Variants in CADM2 observed in about 807,000 individuals in gnomAD.
CADM2 encodes cell adhesion molecule 2.
CADM2 carries 12 observed loss-of-function variants against 49.8 expected under a neutral mutation model. The observed-to-expected ratio is 0.24, with a 90% CI of 0.15 to 0.39. The LOEUF is 0.39. Among genes scored for constraint, CADM2 ranks in the 10% least tolerant of loss-of-function variants. CADM2 has a pLI of 1.00. For synonymous variants in CADM2, 214 were observed against 175.4 expected (o/e 1.22, Z -1.74); for missense variants, 378 against 492.3 (o/e 0.77, Z 2.20).
intron 1 of CADM2, among the ~76,000 whole-genome samples, chr3:85,195,640 A>T (rs969588082): frequency 6.6e-6 from 1 of 151,962 alleles, no homozygotes; most frequent in African/African-American, 2.4e-5. Flanking sequence ...TTGAGCTTGA[A>T]GTCTGCAACA....
intron 1 of CADM2, among the ~76,000 whole-genome samples, chr3:85,235,003 G>A (rs2042378997): frequency 6.7e-6 from 1 of 149,388 alleles, no homozygotes. Flanking sequence ...CAGTCCTCTG[G>A]TTTGCATTAT....
intron 2 of CADM2, among the ~76,000 whole-genome samples, chr3:85,757,430 C>T (rs2069172758): frequency 6.6e-6 from 1 of 151,864 alleles, no homozygotes; most frequent in Admixed American, 6.6e-5. Context: ...ATTTTTGTTT[C>T]AAGAAGCATG....
At chr3:85,356,538 T>A (rs1228535084) in intron 1 of CADM2, among the ~76,000 whole-genome samples, 2 of 152,010 alleles carry the variant, frequency 1.3e-5, no homozygotes, top group African/African-American at 4.8e-5. Flanking sequence ...GATAATACAA[T>A]GAGATCTGCG....
chr3:85,583,845 A>G (rs2062861863), intron 1 of CADM2, among the ~76,000 whole-genome samples: 1 of 152,018 alleles, frequency 6.6e-6, no homozygotes, highest in Admixed American at 6.6e-5. Context: ...AATAAGCAGA[A>G]TGCTTATCAG....
chr3:86,065,823 T>C (rs1739244144), intron 9 of CADM2, 93 bp downstream of exon 9: 2 of 1,256,576 alleles, frequency 1.6e-6, no homozygotes, highest in Non-Finnish European at 2.2e-6. Context: ...TATGTTTCTG[T>C]ACATGTGTAG....
intron 1 of CADM2, among the ~76,000 whole-genome samples, chr3:85,285,882 A>G (rs919723283): frequency 6.6e-6 from 1 of 152,054 alleles, no homozygotes; most frequent in Non-Finnish European, 1.5e-5. Flanking sequence ...ATGAATATAA[A>G]AGAAAGTTTG....
intron 1 of CADM2, among the ~76,000 whole-genome samples, chr3:85,056,701 A>G (rs1369733663): frequency 6.6e-6 from 1 of 152,136 alleles, no homozygotes; most frequent in African/African-American, 2.4e-5. Flanking sequence ...TATATCCCCT[A>G]GTGAAATGCC....
chr3:85,662,409 T>C (rs2065437597), intron 1 of CADM2, among the ~76,000 whole-genome samples: 1 of 152,032 alleles, frequency 6.6e-6, no homozygotes, highest in Non-Finnish European at 1.5e-5. Flanking sequence ...TTGCCTTAAG[T>C]ATTCTCTCCC....
At chr3:84,970,209 G>GT in intron 1 of CADM2, among the ~76,000 whole-genome samples, 1 of 150,250 alleles carries the variant, frequency 6.7e-6, no homozygotes. Flanking sequence ...GTCTATTTGT[G>GT]TTTTTAATGT....
chr3:85,561,189 A>G (rs879893682), intron 1 of CADM2, among the ~76,000 whole-genome samples: 13 of 152,082 alleles, frequency 8.5e-5, no homozygotes, highest in Admixed American at 5.2e-4. Context: ...GTTCATGTTC[A>G]GATTTTTCAG....
intron 1 of CADM2, among the ~76,000 whole-genome samples, chr3:85,612,008 A>C (rs2107454174): frequency 6.6e-6 from 1 of 151,948 alleles, no homozygotes; most frequent in East Asian, 1.9e-4. Context: ...CAGGACAGAA[A>C]GGGAAGGTGA....
intron 1 of CADM2, among the ~76,000 whole-genome samples, chr3:85,352,506 G>A (rs767364154): frequency 1.3e-5 from 2 of 152,092 alleles, no homozygotes; most frequent in African/African-American, 2.4e-5. Flanking sequence ...GCAAATTAGG[G>A]ATTAAAATGT....
intron 3 of CADM2, among the ~76,000 whole-genome samples, chr3:85,827,345 C>T (rs1377984756): frequency 2.0e-5 from 3 of 151,854 alleles, no homozygotes; most frequent in Admixed American, 1.3e-4. Flanking sequence ...TGTCAAAATT[C>T]GTATACATTT....
intron 5 of CADM2, among the ~76,000 whole-genome samples, chr3:85,909,108 A>G (rs1306429096): frequency 6.6e-6 from 1 of 152,188 alleles, no homozygotes. Flanking sequence ...ATTGCAAAGC[A>G]GATGACCTCA....
chr3:84,986,801 T>G (rs990013818), intron 1 of CADM2, among the ~76,000 whole-genome samples: 6 of 151,220 alleles, frequency 4.0e-5, no homozygotes, highest in Non-Finnish European at 7.4e-5. Flanking sequence ...AAGAAGTTAG[T>G]TTGACTTTGG....
chr3:85,240,120 T>G (rs1404174023), intron 1 of CADM2, among the ~76,000 whole-genome samples: 1 of 151,544 alleles, frequency 6.6e-6, no homozygotes, highest in South Asian at 2.1e-4. Context: ...TGTTACCAGA[T>G]TCAAGTGTAA....
In CADM2 at chr3:85,347,596, T is replaced by TAC. The variant is rs386397242; in HGVS notation, c.62-378924_62-378923dup. Among the ~76,000 whole-genome samples, 832 of 140,158 alleles carry TAC rather than the reference T, an allele frequency of 5.9e-3. 6 individuals carry two copies. The highest frequency in any genetic ancestry group is 0.02 in the African/African-American group (734 of 37,608). The allele number at this position is 140,158 out of a possible 152,430, so 91.9% of individuals were successfully genotyped here. Reference sequence around the variant, plus strand: ...ATATATATACATATATACATATATATACATATATATAAAAATATATATACA... The same window carrying TAC: ...ATATATATACATATATACATATATATACACATATATATAAAAATATATATACA... On this transcript the variant is annotated intron_variant, in intron 1 of 9. Transcript: ENST00000383699.
chr3:86,006,339 C>T (rs1305470375), intron 8 of CADM2, among the ~76,000 whole-genome samples: 2 of 152,128 alleles, frequency 1.3e-5, no homozygotes, highest in East Asian at 3.9e-4. Context: ...ACAGAATAGT[C>T]AACATGATGG....
At chr3:85,051,198 T>C (rs1353559953) in intron 1 of CADM2, among the ~76,000 whole-genome samples, 1 of 152,162 alleles carries the variant, frequency 6.6e-6, no homozygotes, top group Non-Finnish European at 1.5e-5. Context: ...ACTCTAAATA[T>C]AGTTTGAAAA....
Sources: gnomAD v4.1 joint callset for allele counts (sites outside exome capture counted in the v4.1 genomes callset) on GRCh38, gnomAD v4.1.1 for gene constraint, MANE v1.5 for transcripts, NCBI Gene and HGNC (gene_info 2026-07-23, HGNC 2026-07-21) for gene names.